The following TTC4 variants were observed in gnomAD, a reference collection of about 807,000 sequenced individuals.
The protein encoded by TTC4 is hsp70/Hsp90 co-chaperone CNS1 homolog.
A neutral mutation model predicts 51.9 loss-of-function variants in TTC4; 36 were observed. That is an observed-to-expected ratio of 0.69 (90% confidence interval 0.53 to 0.92). TTC4 has a LOEUF of 0.92. Among genes scored for constraint, TTC4 ranks in the 40% least tolerant of loss-of-function variants. The pLI is 0.00. For synonymous variants in TTC4, 144 were observed against 164.2 expected (o/e 0.88, Z 0.94); for missense variants, 399 against 454.6 (o/e 0.88, Z 1.11).
chr1:54,727,689 A>C (rs1366875860), intron 5 of TTC4, among the ~76,000 whole-genome samples: 5 of 117,338 alleles, frequency 4.3e-5, no homozygotes, highest in Non-Finnish European at 6.6e-5. Context: ...TCATCTCTAC[A>C]AAAAAAAAAA....
chr1:54,730,792 C>CTT (rs201613633), intron 6 of TTC4, among the ~76,000 whole-genome samples: 6 of 137,076 alleles, frequency 4.4e-5, no homozygotes, highest in Non-Finnish European at 9.5e-5. Flanking sequence ...TTTGACATTT[C>CTT]TTTTTTTTTT....
At position 54,731,552 on chromosome 1, in the gene TTC4, G is replaced by T; in HGVS notation, c.748G>T (p.Glu250Ter). Residue 250 changes from glutamate to a stop codon, truncating the protein, a stop_gained, in exon 7 of 10, where the codon GAG (glutamate) becomes TAG (stop). Coordinates refer to ENST00000371281, the MANE Select transcript of TTC4 (RefSeq NM_004623.5). LOFTEE classifies it high-confidence loss of function. ...AGATTCAGCCTCAGAAGGTCTAGGT[G>T]AGCTTTTCCTGGATGGACTCAGCAC... ...DEDSASEGLG[E>*]LFLDGLSTEN... 1 of 1,614,044 alleles carries T rather than the reference G, an allele frequency of 6.2e-7. No individual in the cohort carries two copies. Among genetic ancestry groups the T allele is most frequent in the Non-Finnish European group, 8.5e-7 (1 of 1,179,980 alleles).
rs61734869 is a variant in TTC4, at chr1:54,741,484, C to T, written c.1135C>T (p.Arg379Trp). 3,349 of 1,614,048 alleles carry T rather than the reference C, an allele frequency of 2.1e-3. 47 individuals are homozygous for T. In the African/African-American group the frequency reaches 0.036, roughly 17 times the overall value. ...CTCTCCTTTTTGCAAGAATTTTCTC[C>T]GGGGGAGAAAGGTGTACCAGATACG... ...GSSPFCKNFL[R>W]GRKVYQIR Residue 379 changes from arginine (R) to tryptophan (W), a missense_variant, in exon 10 of 10, where the codon CGG becomes TGG. Physicochemically the swap from Arg to Trp is moderately radical, Grantham distance 101. Transcript: ENST00000371281.
chr1:54,716,080 CGGGCTCTG>C, intron 1 of TTC4, 61 bp downstream of exon 1: 1 of 1,376,258 alleles, frequency 7.3e-7, no homozygotes, highest in Non-Finnish European at 1.0e-6. Flanking sequence ...GTGGGGCACC[CGGGCTCTG>C]GGGCACCTCC....
chr1:54,719,347 C>T (rs1645715831), intron 3 of TTC4, among the ~76,000 whole-genome samples: 1 of 149,020 alleles, frequency 6.7e-6, no homozygotes, highest in African/African-American at 2.4e-5. Flanking sequence ...TTGTGCTTTC[C>T]CTCTACTGGT....
chr1:54,724,677 CTT>C (rs200278787), intron 5 of TTC4, among the ~76,000 whole-genome samples: 1,845 of 151,998 alleles, frequency 0.012, 42 homozygotes, highest in African/African-American at 0.043. Flanking sequence ...TGATGCAAAA[CTT>C]GACAACTCAA....
At chr1:54,726,595 C>CA (rs1331014610) in intron 5 of TTC4, among the ~76,000 whole-genome samples, 1 of 152,020 alleles carries the variant, frequency 6.6e-6, no homozygotes, top group Non-Finnish European at 1.5e-5. Context: ...TAAATAGCAT[C>CA]AAAAAACACT....
chr1:54,731,606 C>A lies in TTC4; in HGVS notation c.802C>A (p.Leu268Ile). The A allele has an allele frequency of 6.2e-7, 1 of 1,614,114 alleles. No individual in the cohort carries two copies. Among genetic ancestry groups the A allele is most frequent in the South Asian group, 1.1e-5 (1 of 91,072 alleles). ...GAACCCCCATGGAGCCAGGCTGAGT[C>A]TAGATGGCCAGGGCAGGCTGAGCTG... ...TENPHGARLS[L>I]DGQGRLSWPV... is the part of the protein sequence containing the mutation. Residue 268 changes from leucine (L) to isoleucine (I), a missense_variant, in exon 7 of 10, where the codon CTA becomes ATA. Around this residue, in one of 3 missense-constraint regions of TTC4, gnomAD observed 316 missense variants for 349.6 expected, o/e 0.90. Transcript: ENST00000371281.
In TTC4 at chr1:54,728,366, G is replaced by C. The variant is rs1489853127; in HGVS notation, c.615G>C (p.Val205=). ...TTTAGCGAATTGAACAGAGGGATGT[G>C]AGGAAAGCCAACTTGAAAGAAAAGA... ...DKLKRIEQRD[V]RKANLKEKKE... Residue 205 remains valine, a synonymous_variant, in exon 6 of 10, where the codon GTG becomes GTC. Transcript: ENST00000371281. 1 of 1,612,944 alleles carries C rather than the reference G, an allele frequency of 6.2e-7. No individual in the cohort carries two copies. The highest frequency in any genetic ancestry group is 2.2e-5 in the East Asian group (1 of 44,840).
intron 5 of TTC4, among the ~76,000 whole-genome samples, chr1:54,723,242 T>C (rs895523331): frequency 2.6e-5 from 4 of 152,206 alleles, no homozygotes; most frequent in African/African-American, 9.7e-5. Context: ...TCTAGGTATG[T>C]AGCAGGCTAT....
At chr1:54,716,100 TC>T (rs1278270054) in intron 1 of TTC4, 81 bp downstream of exon 1, 4 of 1,108,236 alleles carry the variant, frequency 3.6e-6, no homozygotes, top group Non-Finnish European at 5.3e-6. Flanking sequence ...GGCACCTCCT[TC>T]AATCCCAGAT....
Position 54,733,727 on chromosome 1 carries a change from T to C in TTC4, c.978+17T>C, listed in dbSNP as rs766956669. The C allele has an allele frequency of 7.1e-6, 11 of 1,551,078 alleles. No homozygotes were observed. In the Admixed American group the frequency reaches 2.0e-4, roughly 29 times the overall value. On this transcript the variant is annotated intron_variant, in intron 8 of 9. Coordinates refer to ENST00000371281, the MANE Select transcript of TTC4 (RefSeq NM_004623.5). ...AATTTGGAGGTAAGAGAAGTTTTATTTCGTTCCTCTATGGAATTAATTTTT... is the reference window on the plus strand; with the variant it reads ...AATTTGGAGGTAAGAGAAGTTTTATCTCGTTCCTCTATGGAATTAATTTTT...
At position 54,741,637 on chromosome 1, in the gene TTC4, C is replaced by A; in HGVS notation, c.*124C>A. ...TTCCGTCACCCTGGGGATAGTCCTT[C>A]CTGGCATCGTGGTGGGGGAGGAGCC... On this transcript the variant is annotated 3_prime_UTR_variant, in exon 10 of 10. Transcript: ENST00000371281. 1 of 807,324 alleles carries A rather than the reference C, an allele frequency of 1.2e-6. No individual in the cohort carries two copies. Among genetic ancestry groups the A allele is most frequent in the Non-Finnish European group, 2.0e-6 (1 of 495,954 alleles). The allele number at this position is 807,324 out of a possible 1,614,324, so 50.0% of individuals were successfully genotyped here.
Position 54,728,398 on chromosome 1 carries a change from G to C in TTC4, c.647G>C (p.Arg216Thr). The change falls in exon 6 of 10, where the codon AGG (arginine) becomes ACG (threonine). Residue 216 changes from arginine (R) to threonine (T), a missense_variant. By Grantham distance (71) the Arg-to-Thr change is moderately conservative (BLOSUM62 -1). Coordinates refer to ENST00000371281, the MANE Select transcript of TTC4 (RefSeq NM_004623.5). The part of the protein sequence containing the change: ...RKANLKEKKE[R>T]NQNEALLQAI... ...GCCAACTTGAAAGAAAAGAAGGAGA[G>C]GAATCAGAATGAGGCTTTACTCCAG... 6.2e-7 allele frequency: 1 copy of C among 1,612,938 alleles called. No individual in the cohort carries two copies. The highest frequency in any genetic ancestry group is 8.5e-7 in the Non-Finnish European group (1 of 1,179,350).
chr1:54,719,931 T>TA (rs1557742242), intron 3 of TTC4, among the ~76,000 whole-genome samples: 1 of 151,578 alleles, frequency 6.6e-6, no homozygotes. Flanking sequence ...GACAGGGTCT[T>TA]ACTCTGTTCA....
chr1:54,715,956 G>C lies in TTC4; in HGVS notation c.48G>C (p.Ser16=), dbSNP rs776366535. ...QDPTSDDVMD[S]FLEKFQSQPY... ...CCACCTCAGACGACGTCATGGACTC[G>C]TTCCTGGAAAAGTTCCAGAGCCAGC... Residue 16 remains serine, a synonymous_variant, in exon 1 of 10, where the codon TCG becomes TCC. Coordinates refer to ENST00000371281, the MANE Select transcript of TTC4 (RefSeq NM_004623.5). 58 of 1,607,046 alleles carry C rather than the reference G, an allele frequency of 3.6e-5. No homozygotes were observed. The highest frequency in any genetic ancestry group is 5.1e-5 in the Admixed American group (3 of 59,358).
chr1:54,728,610 C>T (rs909301402), intron 6 of TTC4, among the ~76,000 whole-genome samples, 178 bp downstream of exon 6: 1 of 152,222 alleles, frequency 6.6e-6, no homozygotes, highest in Non-Finnish European at 1.5e-5. Context: ...CCAGTTCAGT[C>T]AGCTCTCTCA....
intron 7 of TTC4, 75 bp from the exon 8 acceptor site, chr1:54,733,553 AT>A: frequency 8.4e-7 from 1 of 1,196,442 alleles, no homozygotes; most frequent in Non-Finnish European, 1.2e-6. Context: ...ATAACTTTGA[AT>A]TAGTGTCTGG....
rs11292044 is a variant in TTC4, at chr1:54,736,175, G to GGAGAGAGAGAGAGA, written c.979-1372_979-1359dup. ...GGAGAAAGAGAGAGAAAGAAAGAAAGGAGAGAGAGAGAGAGAGAGAGAGAG... is the reference window on the plus strand; with the variant it reads ...GGAGAAAGAGAGAGAAAGAAAGAAAGGAGAGAGAGAGAGAGAGAGAGAGAGAGAGAGAGAGAGAG... On this transcript the variant is annotated intron_variant, in intron 8 of 9. Transcript: ENST00000371281. Among the ~76,000 whole-genome samples the GGAGAGAGAGAGAGA allele has an allele frequency of 8.9e-4, 90 of 100,716 alleles. 1 individual carries two copies. The highest frequency in any genetic ancestry group is 5.0e-3 in the Middle Eastern group (1 of 200). The allele number at this position is 100,716 out of a possible 152,430, so 66.1% of individuals were successfully genotyped here. A position where few individuals can be genotyped will look rare whatever the true frequency, so the allele number is the denominator to read the frequency against.
Sources: allele counts gnomAD v4.1 joint callset (sites outside exome capture counted in the v4.1 genomes callset), GRCh38; gene constraint gnomAD v4.1.1; regional missense constraint gnomAD v4.1.1; transcripts MANE v1.5; gene names NCBI Gene and HGNC (gene_info 2026-07-23, HGNC 2026-07-21).